TMEM63C: variants seen among roughly 807,000 people sequenced by gnomAD.
TMEM63C encodes the protein osmosensitive cation channel TMEM63C.
TMEM63C carries 32 observed loss-of-function variants against 99.2 expected under a neutral mutation model. The observed-to-expected ratio is 0.32, with a 90% CI of 0.24 to 0.43. TMEM63C has a LOEUF of 0.43. Ranked by LOEUF, TMEM63C falls within the 20% of genes least tolerant of loss-of-function variation. The pLI, the probability that TMEM63C is intolerant of heterozygous loss-of-function variation, is 1.00. For missense variants in TMEM63C, 826 were observed against 1,053.0 expected, an observed-to-expected ratio of 0.78 and a Z score of 2.98; for synonymous variants, 376 against 397.9, an observed-to-expected ratio of 0.94 and a Z score of 0.66.
At chr14:77,223,280 G>A (rs902225339) in intron 5 of TMEM63C, among the ~76,000 whole-genome samples, 2 of 152,158 alleles carry the variant, frequency 1.3e-5, no homozygotes, top group African/African-American at 4.8e-5. Flanking sequence ...TGGCAGCAGT[G>A]AGGGGGACAA....
chr14:77,240,452 C>A, intron 12 of TMEM63C, 23 bp from the exon 13 acceptor site: 1 of 1,601,950 alleles, frequency 6.2e-7, no homozygotes, highest in East Asian at 2.2e-5. Flanking sequence ...GGCCCCAGCC[C>A]TGAAGGCTGC....
intron 9 of TMEM63C, 120 bp downstream of exon 9, chr14:77,236,852 A>AG: frequency 1.4e-6 from 1 of 709,488 alleles, no homozygotes. Flanking sequence ...GATAGATGGG[A>AG]GGGGGCGGTT....
chr14:77,241,342 A>G (rs1285121835), intron 13 of TMEM63C, among the ~76,000 whole-genome samples: 3 of 152,158 alleles, frequency 2.0e-5, no homozygotes, highest in South Asian at 4.1e-4. Flanking sequence ...CCCCTAATTC[A>G]TAGCTCTACA....
intron 16 of TMEM63C, among the ~76,000 whole-genome samples, chr14:77,244,931 C>T (rs74438106): frequency 0.024 from 3,638 of 152,348 alleles, 143 homozygotes; most frequent in African/African-American, 0.083. Flanking sequence ...CAATCAGGAG[C>T]GTTCCCATTT....
At chr14:77,211,434 T>C (rs1168514568) in intron 1 of TMEM63C, among the ~76,000 whole-genome samples, 1 of 152,194 alleles carries the variant, frequency 6.6e-6, no homozygotes, top group Non-Finnish European at 1.5e-5. Context: ...AAATAGAAAA[T>C]ATTTAGCTCA....
At chr14:77,236,050 C>A (rs188562653) in intron 8 of TMEM63C, among the ~76,000 whole-genome samples, 1 of 518 alleles carries the variant, frequency 1.9e-3, no homozygotes, top group South Asian at 0.05. Flanking sequence ...GGGTGGGGGT[C>A]TGGGGAGACT....
Position 77,253,183 on chromosome 14 carries a change from A to G in TMEM63C, c.2149-122A>G. The G allele has an allele frequency of 5.9e-6, 5 of 852,136 alleles. No individual in the cohort carries two copies. The South Asian group carries it at 7.4e-5, about 13-fold the overall frequency. The allele number at this position is 852,136 out of a possible 1,614,324, so 52.8% of individuals were successfully genotyped here. A position where few individuals can be genotyped will look rare whatever the true frequency, so the allele number is the denominator to read the frequency against. On this transcript the variant is annotated intron_variant, in intron 22 of 23. Transcript: ENST00000298351. Reference sequence around the variant, plus strand: ...CTTGCCAGGCTGAAGGTCTGGAAAGACAGAAGATGAGTTGAGTTCCAAGGT... The same window carrying G: ...CTTGCCAGGCTGAAGGTCTGGAAAGGCAGAAGATGAGTTGAGTTCCAAGGT...
chr14:77,203,869 C>T (rs114338207), intron 1 of TMEM63C, among the ~76,000 whole-genome samples: 1,525 of 152,356 alleles, frequency 0.01, 22 homozygotes, highest in African/African-American at 0.035. Context: ...TGGTAGGCAC[C>T]TCCCCATTGG....
At chr14:77,244,585 G>T in intron 16 of TMEM63C, 130 bp downstream of exon 16, 1 of 717,046 alleles carries the variant, frequency 1.4e-6, no homozygotes, top group East Asian at 2.5e-5. Context: ...GGATGGTTTT[G>T]ATACCTGAAA....
intron 12 of TMEM63C, 92 bp from the exon 13 acceptor site, chr14:77,240,383 A>G (rs1410074365): frequency 1.1e-5 from 16 of 1,454,850 alleles, no homozygotes; most frequent in East Asian, 4.9e-5. Flanking sequence ...GGCCACCACA[A>G]TCCAGGGAGG....
At chr14:77,234,819 A>C (rs761035612) in intron 8 of TMEM63C, among the ~76,000 whole-genome samples, 1 of 152,154 alleles carries the variant, frequency 6.6e-6, no homozygotes, top group Non-Finnish European at 1.5e-5. Context: ...CGGTGCTGCA[A>C]ACCGTCTGGT....
At chr14:77,184,997 C>G (rs1164485721) in intron 1 of TMEM63C, among the ~76,000 whole-genome samples, 1 of 152,186 alleles carries the variant, frequency 6.6e-6, no homozygotes, top group African/African-American at 2.4e-5. Flanking sequence ...CTTGCCAACA[C>G]CCCTGGGGCT....
chr14:77,208,901 A>G (rs761718688), intron 1 of TMEM63C, among the ~76,000 whole-genome samples: 8 of 152,204 alleles, frequency 5.3e-5, no homozygotes, highest in Non-Finnish European at 1.0e-4. Context: ...CTGAGAGCCC[A>G]GCTGGACCCA....
chr14:77,249,159 C>T, intron 20 of TMEM63C, 132 bp from the exon 21 acceptor site: 2 of 972,868 alleles, frequency 2.1e-6, no homozygotes, highest in Non-Finnish European at 3.1e-6. Flanking sequence ...CCACGGAGCT[C>T]CCCCAACCCA....
At position 77,236,688 on chromosome 14, in the gene TMEM63C, A is replaced by G. The variant is rs759743408; in HGVS notation, c.607A>G (p.Met203Val). 6.8e-6 allele frequency: 11 copies of G among 1,612,868 alleles called. No individual in the cohort carries two copies. In the Admixed American group the frequency reaches 1.7e-4, roughly 24 times the overall value. ...FFYFITNFMF[M>V]AHHCLGFAPR... ...CTACTTCATCACCAACTTCATGTTCATGGCTCATCACTGCCTGGGGTTTGC... is the reference window on the plus strand; with the variant it reads ...CTACTTCATCACCAACTTCATGTTCGTGGCTCATCACTGCCTGGGGTTTGC... Residue 203 changes from methionine (M) to valine (V), a missense_variant, in exon 9 of 24, where the codon ATG (methionine) becomes GTG (valine). Met to Val is a conservative substitution (Grantham distance 21, BLOSUM62 1). Coordinates refer to ENST00000298351, the MANE Select transcript of TMEM63C (RefSeq NM_020431.4).
rs1889469017 is a variant in TMEM63C at position 77,256,706 on chromosome 14, G to A, written c.2401G>A (p.Gly801Ser). Residue 801 changes from glycine (G) to serine (S), a missense_variant, in exon 24 of 24, where the codon GGC becomes AGC. Physicochemically the swap from Gly to Ser is moderately conservative, Grantham distance 56 (BLOSUM62 0). Coordinates refer to ENST00000298351, the MANE Select transcript of TMEM63C (RefSeq NM_020431.4). ...AQFQEGLELEGQNQYH is the reference protein window; with the variant it reads ...AQFQEGLELESQNQYH ...GTTCCAGGAAGGGCTGGAACTGGAG[G>A]GCCAGAACCAGTACCACTGACCGGG... 6.2e-7 allele frequency: 1 copy of A among 1,613,896 alleles called. No homozygotes were observed. Among genetic ancestry groups the A allele is most frequent in the Admixed American group, 1.7e-5 (1 of 60,020 alleles).
chr14:77,248,987 G>C (rs1460534312), intron 20 of TMEM63C, 115 bp downstream of exon 20: 9 of 1,082,452 alleles, frequency 8.3e-6, no homozygotes, highest in Non-Finnish European at 1.4e-6. Flanking sequence ...TGGTAGGGAG[G>C]GGTCAGGGCC....
intron 1 of TMEM63C, among the ~76,000 whole-genome samples, chr14:77,197,228 G>A (rs1398569743): frequency 2.0e-5 from 3 of 152,180 alleles, no homozygotes; most frequent in Non-Finnish European, 2.9e-5. Context: ...CAAGAGCATC[G>A]TGATTGTTGC....
chr14:77,184,277 AG>A (rs1196085607), intron 1 of TMEM63C, among the ~76,000 whole-genome samples: 4 of 151,780 alleles, frequency 2.6e-5, no homozygotes, highest in African/African-American at 4.8e-5. Flanking sequence ...GCCCGCTTCA[AG>A]TTGTGCTTGG....
Sources: gnomAD v4.1 joint callset for allele counts (sites outside exome capture counted in the v4.1 genomes callset) on GRCh38, gnomAD v4.1.1 for gene constraint, MANE v1.5 for transcripts, NCBI Gene and HGNC (gene_info 2026-07-23, HGNC 2026-07-21) for gene names.